The following EIF3M variants were observed in gnomAD, a reference collection of about 807,000 sequenced individuals.
EIF3M encodes B5 receptor.
A neutral mutation model predicts 49.7 loss-of-function variants in EIF3M; 25 were observed. The ratio of observed to expected loss-of-function variants is 0.50; its 90% confidence interval spans 0.37 to 0.70. EIF3M has a LOEUF of 0.70. Ranked by LOEUF, EIF3M falls within the 30% of genes least tolerant of loss-of-function variation. EIF3M has a pLI of 0.00. For synonymous variants in EIF3M, 156 were observed against 149.8 expected, an observed-to-expected ratio of 1.04 and a Z score of -0.30; for missense variants, 350 against 440.0, an observed-to-expected ratio of 0.80 and a Z score of 1.83.
intron 3 of EIF3M, 131 bp downstream of exon 3, chr11:32,588,863 A>C: frequency 1.3e-6 from 2 of 1,542,418 alleles, no homozygotes; most frequent in Non-Finnish European, 1.8e-6. Context: ...GACCTTGGGC[A>C]AGTGGCTTGA....
Position 32,600,735 on chromosome 11 carries a change from T to C in EIF3M, c.846T>C (p.Phe282=). 1.9e-6 allele frequency: 3 copies of C among 1,611,842 alleles called. No homozygotes were observed. Among genetic ancestry groups the C allele is most frequent in the Non-Finnish European group, 2.5e-6 (3 of 1,178,520 alleles). ...TGGCAAAAATGAGACTACTTACTTT[T>C]ATGGGAATGGCAGTAGAAAATAAGG... The part of the protein sequence containing the change: ...QNMAKMRLLT[F]MGMAVENKEI... Residue 282 remains phenylalanine (F), a synonymous_variant, in exon 9 of 11, where the codon TTT becomes TTC. Coordinates refer to ENST00000531120, the MANE Select transcript of EIF3M (RefSeq NM_006360.6).
chr11:32,590,824 G>A (rs1855088725), intron 5 of EIF3M, among the ~76,000 whole-genome samples: 1 of 151,738 alleles, frequency 6.6e-6, no homozygotes, highest in East Asian at 1.9e-4. Flanking sequence ...ATTTATATTG[G>A]TGGTTGATGC....
chr11:32,585,405 T>A (rs1468339624), intron 1 of EIF3M, among the ~76,000 whole-genome samples: 1 of 152,226 alleles, frequency 6.6e-6, no homozygotes, highest in Non-Finnish European at 1.5e-5. Flanking sequence ...TCAGTATCGC[T>A]GTAGACAGTC....
In EIF3M at chr11:32,588,626, C is replaced by G; in HGVS notation, c.208C>G (p.Leu70Val). 1 of 1,614,118 alleles carries G rather than the reference C, an allele frequency of 6.2e-7. No homozygotes were observed. The highest frequency in any genetic ancestry group is 8.5e-7 in the Non-Finnish European group (1 of 1,180,024). Residue 70 changes from leucine (L) to valine (V), a missense_variant, in exon 3 of 11, where the codon CTA becomes GTA. Coordinates refer to ENST00000531120, the MANE Select transcript of EIF3M (RefSeq NM_006360.6). ...VESVMNSVVSLLLILEPDKQE... is the reference protein window; with the variant it reads ...VESVMNSVVSVLLILEPDKQE... ...AAGTGTGATGAACAGTGTGGTATCC[C>G]TACTCTTGATCCTGGAACCAGACAA...
Position 32,605,264 on chromosome 11 carries a change from G to T in EIF3M, c.*2865G>T, listed in dbSNP as rs942712033. ...GATTGCTCTGTTTGGCTCCCTCCCTGAAATCCTATAGTCAGCCACTGGTCC... is the reference window on the plus strand; with the variant it reads ...GATTGCTCTGTTTGGCTCCCTCCCTTAAATCCTATAGTCAGCCACTGGTCC... On this transcript the variant is annotated 3_prime_UTR_variant, in exon 11 of 11. Transcript: ENST00000531120. 6.7e-6 allele frequency: 1 copy of T among 149,660 alleles called. No homozygotes were observed. Among genetic ancestry groups the T allele is most frequent in the African/African-American group, 2.5e-5 (1 of 40,458 alleles). The allele number at this position is 149,660 out of a possible 1,614,324, so 9.3% of individuals were successfully genotyped here. A position where few individuals can be genotyped will look rare whatever the true frequency, so the allele number is the denominator to read the frequency against.
chr11:32,598,942 C>T (rs1442087505), intron 8 of EIF3M, among the ~76,000 whole-genome samples: 3 of 152,050 alleles, frequency 2.0e-5, no homozygotes, highest in South Asian at 2.1e-4. Flanking sequence ...ATTTGCCTTA[C>T]GTTTCTTGAA....
Position 32,603,715 on chromosome 11 carries a change from G to GAGTT in EIF3M, c.*1318_*1321dup, listed in dbSNP as rs1855307917. ...GTTTATCCCTACCAAAAATTAATTC[G>GAGTT]AGTTAATTTCATGCAAAACAATCTT... On this transcript the variant is annotated 3_prime_UTR_variant, in exon 11 of 11. Transcript: ENST00000531120. The GAGTT allele has an allele frequency of 6.6e-6, 1 of 151,980 alleles. No homozygotes were observed. The highest frequency in any genetic ancestry group is 2.4e-5 in the African/African-American group (1 of 41,388). 9.4% of individuals were successfully genotyped at this position (151,980 alleles called of 1,614,324 possible).
At chr11:32,595,136 A>G (rs1855160538) in intron 7 of EIF3M, 123 bp downstream of exon 7, 4 of 793,016 alleles carry the variant, frequency 5.0e-6, no homozygotes, top group African/African-American at 3.5e-5. Flanking sequence ...AAGATTAAGA[A>G]CTATGTATTC....
In EIF3M at chr11:32,602,870, T is replaced by C; in HGVS notation, c.*471T>C. The C allele has an allele frequency of 6.2e-7, 1 of 1,611,906 alleles. No homozygotes were observed. The highest frequency in any genetic ancestry group is 8.5e-7 in the Non-Finnish European group (1 of 1,179,224). ...TCTGCTTTTCTTTTCTTTGGCTGGT[T>C]GTCATTTTCTAAACTTAGTAAATTT... On this transcript the variant is annotated 3_prime_UTR_variant, in exon 11 of 11. Transcript: ENST00000531120.
At chr11:32,588,338 G>A (rs546062717) in intron 2 of EIF3M, among the ~76,000 whole-genome samples, 7 of 143,430 alleles carry the variant, frequency 4.9e-5, no homozygotes, top group Non-Finnish European at 7.5e-5. Context: ...GCAGTGAGCC[G>A]AGATCGCACC....
intron 6 of EIF3M, chr11:32,594,151 T>C: frequency 2.7e-6 from 1 of 368,368 alleles, no homozygotes. Context: ...ATGAAGTAGC[T>C]GCATGGCGTT....
At chr11:32,588,816 T>C in intron 3 of EIF3M, 84 bp downstream of exon 3, 1 of 1,583,796 alleles carries the variant, frequency 6.3e-7, no homozygotes. Flanking sequence ...GCAGGAATTC[T>C]GGAACTTGAC....
chr11:32,596,092 GA>G, intron 8 of EIF3M, 45 bp downstream of exon 8: 1 of 1,397,788 alleles, frequency 7.2e-7, no homozygotes, highest in South Asian at 1.4e-5. Context: ...GTGGGAACAT[GA>G]TACACTAACA....
chr11:32,594,162 T>C, intron 6 of EIF3M: 1 of 349,722 alleles, frequency 2.9e-6, no homozygotes, highest in Non-Finnish European at 5.1e-6. Context: ...GCATGGCGTT[T>C]ACCTGGCGGG....
chr11:32,591,264 G>T (rs530093179), intron 5 of EIF3M, among the ~76,000 whole-genome samples: 29 of 152,362 alleles, frequency 1.9e-4, no homozygotes, highest in African/African-American at 6.5e-4. Context: ...GAAGTATACT[G>T]TAGTTGCTAA....
At chr11:32,601,135 C>A in intron 9 of EIF3M, 1 of 200,054 alleles carries the variant, frequency 5.0e-6, no homozygotes, top group Non-Finnish European at 1.0e-5. Context: ...CTTTGTGAAA[C>A]AGGAATGTAG....
In EIF3M at chr11:32,594,930, T is replaced by C. The variant is rs766999907; in HGVS notation, c.634T>C (p.Leu212=). 2 of 1,613,350 alleles carry C rather than the reference T, an allele frequency of 1.2e-6. No individual in the cohort carries two copies. Among genetic ancestry groups the C allele is most frequent in the South Asian group, 1.1e-5 (1 of 90,884 alleles). ...CTAATTAAGGTGTATTGTACGAGCA[T>C]TGAAAGATCCAAATGCATTTCTTTT... ...VDAHRCIVRA[L]KDPNAFLFDH... The change falls in exon 7 of 11, where the codon TTG becomes CTG. Residue 212 remains leucine (L), a synonymous_variant. Transcript: ENST00000531120.
intron 2 of EIF3M, among the ~76,000 whole-genome samples, 192 bp from the exon 3 acceptor site, chr11:32,588,402 A>T (rs1590513613): frequency 6.6e-6 from 1 of 151,554 alleles, no homozygotes; most frequent in Admixed American, 6.6e-5. Context: ...AAAAAAAAAA[A>T]AAAAAAAAAG....
In EIF3M at chr11:32,602,677, T is replaced by C. The variant is rs1301424148; in HGVS notation, c.*278T>C. 1.2e-6 allele frequency: 1 copy of C among 820,840 alleles called. No individual in the cohort carries two copies. Among genetic ancestry groups the C allele is most frequent in the East Asian group, 2.7e-5 (1 of 37,164 alleles). 50.8% of individuals were successfully genotyped at this position (820,840 alleles called of 1,614,324 possible). A position where few individuals can be genotyped will look rare whatever the true frequency, so the allele number is the denominator to read the frequency against. On this transcript the variant is annotated 3_prime_UTR_variant, in exon 11 of 11. Coordinates refer to ENST00000531120, the MANE Select transcript of EIF3M (RefSeq NM_006360.6). The stretch of plus-strand genomic sequence containing the variant: ...AGAAGACAGAAGTAGAGTAATACAA[T>C]TTCTTCACATTAGAAAAACTTGGAA...
Sources: allele counts gnomAD v4.1 joint callset (sites outside exome capture counted in the v4.1 genomes callset), GRCh38; gene constraint gnomAD v4.1.1; transcripts MANE v1.5; gene names NCBI Gene and HGNC (gene_info 2026-07-23, HGNC 2026-07-21).